Variants in PDE7B observed in about 807,000 individuals in gnomAD.
PDE7B encodes 3',5'-cyclic-AMP phosphodiesterase 7B.
In PDE7B, 29 loss-of-function variants were observed where a neutral mutation model predicts 56.2. The ratio of observed to expected loss-of-function variants is 0.52; its 90% CI spans 0.38 to 0.70. The LOEUF is 0.70. PDE7B is among the 30% of genes least tolerant of loss of function. The pLI is 0.00. For missense variants in PDE7B, 490 were observed against 565.0 expected (o/e 0.87, Z 1.35); for synonymous variants, 197 against 196.9 (o/e 1.00, Z 0.00).
chr6:135,889,916 C>A (rs994059135), intron 1 of PDE7B, among the ~76,000 whole-genome samples: 1 of 150,298 alleles, frequency 6.7e-6, no homozygotes, highest in African/African-American at 2.5e-5. Flanking sequence ...CCACGCCCAG[C>A]TAATTTTTGT....
intron 1 of PDE7B, among the ~76,000 whole-genome samples, chr6:135,944,257 C>A (rs1472419926): frequency 6.6e-6 from 1 of 152,138 alleles, no homozygotes; most frequent in Non-Finnish European, 1.5e-5. Context: ...ACAGATCCTG[C>A]AGTTTTCTGA....
chr6:136,173,804 C>A lies in PDE7B; in HGVS notation c.719C>A (p.Ser240Tyr). The change falls in exon 9 of 13, where the codon TCT becomes TAT. Residue 240 changes from serine (S) to tyrosine (Y), a missense_variant. Physicochemically the swap from Ser to Tyr is moderately radical, Grantham distance 144. Transcript: ENST00000308191. ...TATTTTCTTTCTTTCTAGAATATGT[C>A]TGTGCTGGAGAATCATCACTGGCGA... is the stretch of plus-strand genomic sequence containing the variant. ...HHLANLYQNM[S>Y]VLENHHWRST... is the part of the protein sequence containing the mutation. 1.9e-6 allele frequency: 3 copies of A among 1,601,112 alleles called. No individual in the cohort carries two copies. The highest frequency in any genetic ancestry group is 2.6e-6 in the Non-Finnish European group (3 of 1,168,532).
intron 1 of PDE7B, among the ~76,000 whole-genome samples, chr6:135,863,689 C>T (rs1562415168): frequency 7.0e-6 from 1 of 143,576 alleles, no homozygotes; most frequent in African/African-American, 2.9e-5. Flanking sequence ...AACATCCCTT[C>T]CAATTTTTTT....
At chr6:135,970,221 G>A (rs146323139) in intron 2 of PDE7B, among the ~76,000 whole-genome samples, 327 of 152,210 alleles carry the variant, frequency 2.1e-3, no homozygotes, top group African/African-American at 7.4e-3. Context: ...ATTTCAGGTC[G>A]TGATACAGAC....
intron 2 of PDE7B, chr6:135,992,916 G>GT (rs1775500452): frequency 6.6e-6 from 1 of 152,226 alleles, no homozygotes; most frequent in Non-Finnish European, 1.5e-5. Context: ...GCCCTGTGAA[G>GT]TAAGTGTAGG....
intron 5 of PDE7B, 63 bp from the exon 6 acceptor site, chr6:136,151,097 T>TGTC: frequency 1.2e-6 from 1 of 844,976 alleles, no homozygotes; most frequent in East Asian, 2.4e-5. Context: ...TAGGTCTTAT[T>TGTC]GTCAATCTTG....
intron 12 of PDE7B, among the ~76,000 whole-genome samples, chr6:136,190,039 C>G (rs1468088243): frequency 1.3e-5 from 2 of 151,992 alleles, no homozygotes; most frequent in Non-Finnish European, 2.9e-5. Context: ...CTTTTTTATA[C>G]TGAGATAAAC....
chr6:136,044,732 A>G (rs936114109), intron 2 of PDE7B: 3 of 152,222 alleles, frequency 2.0e-5, no homozygotes, highest in African/African-American at 7.2e-5. Flanking sequence ...AACACTTTAC[A>G]TAAACTAAAA....
intron 2 of PDE7B, among the ~76,000 whole-genome samples, chr6:135,961,768 T>A (rs1250139964): frequency 1.3e-5 from 2 of 152,212 alleles, no homozygotes; most frequent in East Asian, 3.8e-4. Context: ...TCGACCTAAT[T>A]AATTTTCATT....
chr6:136,026,124 A>G (rs1288260391), intron 2 of PDE7B, among the ~76,000 whole-genome samples: 1 of 152,228 alleles, frequency 6.6e-6, no homozygotes, highest in Non-Finnish European at 1.5e-5. Flanking sequence ...AACAAGGTAA[A>G]GACTACTCTG....
intron 1 of PDE7B, among the ~76,000 whole-genome samples, chr6:135,908,788 C>A (rs1204755317): frequency 6.6e-6 from 1 of 152,012 alleles, no homozygotes; most frequent in Non-Finnish European, 1.5e-5. Flanking sequence ...TTGGGGAATA[C>A]CTATGTAGGT....
At chr6:135,856,671 T>C (rs1250608437) in intron 1 of PDE7B, among the ~76,000 whole-genome samples, 2 of 152,094 alleles carry the variant, frequency 1.3e-5, no homozygotes, top group African/African-American at 2.4e-5. Context: ...CTGCTCTGAG[T>C]GAGAGTTTAC....
intron 2 of PDE7B, among the ~76,000 whole-genome samples, chr6:135,947,938 T>C (rs1252957106): frequency 6.6e-6 from 1 of 152,094 alleles, no homozygotes; most frequent in African/African-American, 2.4e-5. Flanking sequence ...AAGAAATGTA[T>C]ATTTGAACTA....
intron 2 of PDE7B, among the ~76,000 whole-genome samples, chr6:135,947,950 T>G (rs566591906): frequency 1.3e-4 from 20 of 152,212 alleles, no homozygotes; most frequent in Admixed American, 2.0e-4. Context: ...TTTGAACTAC[T>G]GTAATCTGAA....
chr6:135,996,524 A>C (rs1775567685), intron 2 of PDE7B, among the ~76,000 whole-genome samples: 1 of 152,254 alleles, frequency 6.6e-6, no homozygotes, highest in African/African-American at 2.4e-5. Context: ...TAACGGAGGC[A>C]AAAGCACAGA....
intron 6 of PDE7B, among the ~76,000 whole-genome samples, chr6:136,152,995 T>C (rs1414429749): frequency 6.6e-6 from 1 of 152,204 alleles, no homozygotes; most frequent in Non-Finnish European, 1.5e-5. Context: ...ATTAAAGTGA[T>C]AGAGGGTTTA....
intron 1 of PDE7B, among the ~76,000 whole-genome samples, chr6:135,905,831 G>C (rs535017921): frequency 6.7e-4 from 102 of 152,280 alleles, no homozygotes; most frequent in Admixed American, 2.1e-3. Context: ...ATTGTGTGGC[G>C]AGCAGCTGGA....
At chr6:135,866,534 A>G (rs187757358) in intron 1 of PDE7B, among the ~76,000 whole-genome samples, 1 of 152,306 alleles carries the variant, frequency 6.6e-6, no homozygotes. Flanking sequence ...AGGTCAAAGA[A>G]CTACTTGTTA....
At chr6:135,868,508 T>A (rs1023106477) in intron 1 of PDE7B, among the ~76,000 whole-genome samples, 2 of 152,156 alleles carry the variant, frequency 1.3e-5, no homozygotes, top group East Asian at 3.9e-4. Flanking sequence ...CTTGGCTCAC[T>A]GCAACCTCCG....
Sources: allele counts gnomAD v4.1 joint callset (sites outside exome capture counted in the v4.1 genomes callset), GRCh38; gene constraint gnomAD v4.1.1; transcripts MANE v1.5; gene names NCBI Gene and HGNC (gene_info 2026-07-23, HGNC 2026-07-21).